The following CNOT6 variants were observed in gnomAD, a reference collection of about 807,000 sequenced individuals.
CNOT6 encodes carbon catabolite repression 4 protein.
In CNOT6, 12 loss-of-function variants were observed where a neutral mutation model predicts 61.2. The ratio of observed to expected loss-of-function variants is 0.20; its 90% CI spans 0.13 to 0.32. CNOT6 has a LOEUF of 0.32. Ranked by LOEUF, CNOT6 falls within the 10% of genes least tolerant of loss-of-function variation. The probability of loss-of-function intolerance (pLI) is 1.00; values close to 1 mark genes in which losing one functional copy is unlikely to be tolerated. For missense variants in CNOT6, 405 were observed against 663.9 expected (o/e 0.61, Z 4.28); for synonymous variants, 225 against 240.6 (o/e 0.94, Z 0.60).
intron 2 of CNOT6, among the ~76,000 whole-genome samples, chr5:180,540,445 A>G (rs534668338): frequency 6.6e-6 from 1 of 152,350 alleles, no homozygotes; most frequent in South Asian, 2.1e-4. Context: ...TTTTGATAGT[A>G]TGAAAGTGTC....
chr5:180,517,283 C>T (rs1163559764), intron 1 of CNOT6, among the ~76,000 whole-genome samples: 2 of 152,084 alleles, frequency 1.3e-5, no homozygotes, highest in African/African-American at 2.4e-5. Context: ...GATGTACCAC[C>T]ATGCCCAGCT....
intron 1 of CNOT6, among the ~76,000 whole-genome samples, chr5:180,499,471 T>C (rs551836343): frequency 1.3e-5 from 2 of 152,308 alleles, no homozygotes; most frequent in African/African-American, 2.4e-5. Flanking sequence ...TAGTAAATTA[T>C]TGGAATTGGA....
chr5:180,545,737 G>A (rs185701932), intron 2 of CNOT6, among the ~76,000 whole-genome samples: 1 of 152,232 alleles, frequency 6.6e-6, no homozygotes, highest in East Asian at 1.9e-4. Flanking sequence ...TGATCATATG[G>A]TAAGTGTATG....
chr5:180,547,037 TTATG>T (rs1759349986), intron 2 of CNOT6, among the ~76,000 whole-genome samples: 1 of 152,228 alleles, frequency 6.6e-6, no homozygotes, highest in Admixed American at 6.5e-5. Context: ...GAAACCAAGT[TTATG>T]TACATTGAAC....
At chr5:180,505,032 C>T (rs1388596252) in intron 1 of CNOT6, among the ~76,000 whole-genome samples, 2 of 140,180 alleles carry the variant, frequency 1.4e-5, no homozygotes, top group South Asian at 2.2e-4. Context: ...GATCTTGACT[C>T]GCTGCAAGCT....
At chr5:180,509,757 C>T (rs946118514) in intron 1 of CNOT6, among the ~76,000 whole-genome samples, 2 of 151,196 alleles carry the variant, frequency 1.3e-5, no homozygotes, top group Non-Finnish European at 2.9e-5. Flanking sequence ...CCCTATGCTG[C>T]CCAGTCTGGA....
At chr5:180,501,672 A>G (rs1172315869) in intron 1 of CNOT6, among the ~76,000 whole-genome samples, 2 of 152,260 alleles carry the variant, frequency 1.3e-5, no homozygotes, top group African/African-American at 4.8e-5. Context: ...GTATGCATAT[A>G]TGCAAGTGTG....
At chr5:180,549,563 G>C (rs1451650484) in intron 2 of CNOT6, among the ~76,000 whole-genome samples, 5 of 151,912 alleles carry the variant, frequency 3.3e-5, no homozygotes, top group Non-Finnish European at 7.4e-5. Flanking sequence ...GCAGGAGAAT[G>C]GCATGAACCC....
rs35362400 is a variant in CNOT6 at position 180,499,340 on chromosome 5, AC to A, written c.-3+4580del. 4.5e-4 allele frequency among the ~76,000 whole-genome samples: 69 copies of A among 152,312 alleles called. 1 individual carries two copies. The East Asian group carries it at 0.013, about 28-fold the overall frequency. On this transcript the variant is annotated intron_variant, in intron 1 of 11. Coordinates refer to ENST00000261951, the MANE Select transcript of CNOT6 (RefSeq NM_001370472.1). ...TATAGACCTTAAGCTGGAAAATTCAACCCTATGTCCACTTGAAATCAAAGCC... is the reference window on the plus strand; with the variant it reads ...TATAGACCTTAAGCTGGAAAATTCAACCTATGTCCACTTGAAATCAAAGCC...
intron 2 of CNOT6, among the ~76,000 whole-genome samples, chr5:180,548,814 AAATT>A (rs1452276710): frequency 4.6e-5 from 7 of 151,982 alleles, no homozygotes; most frequent in Admixed American, 6.6e-5. Flanking sequence ...AGCCAATAGA[AAATT>A]AATCAGTTCT....
intron 1 of CNOT6, among the ~76,000 whole-genome samples, chr5:180,513,453 G>A (rs868476754): frequency 2.0e-5 from 3 of 151,702 alleles, no homozygotes; most frequent in South Asian, 2.1e-4. Flanking sequence ...TGCAACCTCC[G>A]CCTCCCAGGT....
At chr5:180,500,470 C>T (rs1277594387) in intron 1 of CNOT6, among the ~76,000 whole-genome samples, 2 of 146,996 alleles carry the variant, frequency 1.4e-5, no homozygotes, top group African/African-American at 5.1e-5. Context: ...TGGAGTCTCA[C>T]TCTGTTGCCC....
At chr5:180,533,311 C>CGTATAT (rs1305701783) in intron 2 of CNOT6, among the ~76,000 whole-genome samples, 1 of 65,226 alleles carries the variant, frequency 1.5e-5, no homozygotes, top group East Asian at 4.0e-4. Flanking sequence ...TGGATGAAAA[C>CGTATAT]CTATATATAT....
intron 9 of CNOT6, among the ~76,000 whole-genome samples, 193 bp from the exon 10 acceptor site, chr5:180,568,917 G>T (rs1051255732): frequency 5.9e-5 from 9 of 152,196 alleles, no homozygotes; most frequent in Non-Finnish European, 1.3e-4. Flanking sequence ...GCCCTGTGCT[G>T]GAAGCATCAG....
chr5:180,550,028 T>C lies in CNOT6; in HGVS notation c.210T>C (p.Ile70=), dbSNP rs1759515442. The change falls in exon 3 of 12, where the codon ATT becomes ATC. Residue 70 remains isoleucine (I), a synonymous_variant. Transcript: ENST00000261951. ...DNSLSRIPSD[I]AKLHNLVYLD... is the part of the protein sequence containing the mutation. ...CCCTGTCCCGAATTCCTTCAGACAT[T>C]GCCAAGCTTCACAATCTGGTGTATT... 1 of 1,614,064 alleles carries C rather than the reference T, an allele frequency of 6.2e-7. No homozygotes were observed. The highest frequency in any genetic ancestry group is 1.3e-5 in the African/African-American group (1 of 74,944).
At position 180,541,440 on chromosome 5, in the gene CNOT6, A is replaced by ATTTTTTTTTT. The variant is rs1176286473; in HGVS notation, c.113-8491_113-8490insTTTTTTTTTT. On this transcript the variant is annotated intron_variant, in intron 2 of 11. Coordinates refer to ENST00000261951, the MANE Select transcript of CNOT6 (RefSeq NM_001370472.1). ...CATGAACCACCACAACTGGCCAAGA[A>ATTTTTTTTTT]ATTTTTTTTTTTTTTTTTTTTTTTT... is the stretch of plus-strand genomic sequence containing the variant. 4.0e-3 allele frequency among the ~76,000 whole-genome samples: 410 copies of ATTTTTTTTTT among 102,940 alleles called. 77 individuals carry two copies. The highest frequency in any genetic ancestry group is 0.011 in the South Asian group (35 of 3,158). The allele number at this position is 102,940 out of a possible 152,430, so 67.5% of individuals were successfully genotyped here.
chr5:180,538,685 G>GGTATATATAT (rs755262276), intron 2 of CNOT6, among the ~76,000 whole-genome samples: 844 of 84,200 alleles, frequency 0.01, 9 homozygotes, highest in East Asian at 0.022. Context: ...CTGAGAAAAA[G>GGTATATATAT]GTATATATAT....
intron 2 of CNOT6, among the ~76,000 whole-genome samples, chr5:180,540,082 T>C (rs930746336): frequency 6.6e-6 from 1 of 152,154 alleles, no homozygotes; most frequent in Non-Finnish European, 1.5e-5. Flanking sequence ...ATTCCTATCC[T>C]ACTAATTTTA....
chr5:180,558,375 A>G (rs1760003609), intron 4 of CNOT6, among the ~76,000 whole-genome samples: 2 of 152,004 alleles, frequency 1.3e-5, no homozygotes, highest in South Asian at 2.1e-4. Context: ...CCCTGTGGAG[A>G]GTGAGACCTT....
Sources: allele counts gnomAD v4.1 joint callset (sites outside exome capture counted in the v4.1 genomes callset), GRCh38; gene constraint gnomAD v4.1.1; transcripts MANE v1.5; gene names NCBI Gene and HGNC (gene_info 2026-07-23, HGNC 2026-07-21).